GRID2: variants seen among roughly 807,000 people sequenced by gnomAD.
GRID2 encodes the protein glutamate receptor ionotropic, delta-2.
A neutral mutation model predicts 114.8 loss-of-function variants in GRID2; 33 were observed. That is an observed-to-expected ratio of 0.29 (90% CI 0.22 to 0.38). The LOEUF (loss-of-function observed/expected upper bound fraction) is 0.38, where lower values mean the gene tolerates loss of function less well. Among genes scored for constraint, GRID2 ranks in the 10% least tolerant of loss-of-function variants. The pLI, the probability that GRID2 is intolerant of heterozygous loss-of-function variation, is 1.00. For missense variants in GRID2, 1,184 were observed against 1,257.7 expected (o/e 0.94, Z 0.89); for synonymous variants, 505 against 449.9 (o/e 1.12, Z -1.55).
At chr4:93,479,145 ATTCTT>A (rs780990731) in intron 11 of GRID2, among the ~76,000 whole-genome samples, 1 of 152,074 alleles carries the variant, frequency 6.6e-6, no homozygotes, top group Non-Finnish European at 1.5e-5. Context: ...ACTATACTGT[ATTCTT>A]TTAAGTGTCC....
chr4:92,638,733 C>G (rs1010272751), intron 2 of GRID2, among the ~76,000 whole-genome samples: 2 of 150,040 alleles, frequency 1.3e-5, no homozygotes, highest in Non-Finnish European at 3.0e-5. Context: ...AATTTAGAAT[C>G]TATTGAAAGG....
At chr4:93,096,998 A>T (rs1731280760) in intron 3 of GRID2, among the ~76,000 whole-genome samples, 1 of 152,000 alleles carries the variant, frequency 6.6e-6, no homozygotes, top group African/African-American at 2.4e-5. Context: ...AAATATGAAG[A>T]AACACTGAGT....
intron 12 of GRID2, among the ~76,000 whole-genome samples, chr4:93,491,097 G>GA (rs371459253): frequency 2.0e-5 from 3 of 151,166 alleles, no homozygotes; most frequent in Non-Finnish European, 3.0e-5. Context: ...TGAAAAGGAA[G>GA]AAAAAAAAGA....
Position 92,706,577 on chromosome 4 carries a change from G to A in GRID2, c.244+116291G>A, listed in dbSNP as rs73837325. On this transcript the variant is annotated intron_variant, in intron 2 of 15. Coordinates refer to ENST00000282020, the MANE Select transcript of GRID2 (RefSeq NM_001510.4). ...TAGGGGTGTTTTGGTTATATGTGGG[G>A]TAAATTTTGGTTATCACAATGTGGA... Among the ~76,000 whole-genome samples the A allele has an allele frequency of 6.4e-3, 976 of 152,214 alleles. 5 individuals carry two copies. The highest frequency in any genetic ancestry group is 0.021 in the African/African-American group (875 of 41,534).
chr4:93,224,763 G>A lies in GRID2; in HGVS notation c.1113G>A (p.Glu371=). 1 of 1,609,356 alleles carries A rather than the reference G, an allele frequency of 6.2e-7. No homozygotes were observed. The highest frequency in any genetic ancestry group is 8.5e-7 in the Non-Finnish European group (1 of 1,176,832). ...GGCAGGGTGGGCGCTCCATGTTGGAGACCATCAAGAAGGTAACTTCTTAAT... is the reference window on the plus strand; with the variant it reads ...GGCAGGGTGGGCGCTCCATGTTGGAAACCATCAAGAAGGTAACTTCTTAAT... ...KPWQGGRSML[E]TIKKGGVSGL... The change falls in exon 7 of 16, where the codon GAG becomes GAA. Residue 371 remains glutamate, a synonymous_variant. Coordinates refer to ENST00000282020, the MANE Select transcript of GRID2 (RefSeq NM_001510.4).
chr4:92,691,658 C>A (rs2149293373), intron 2 of GRID2, among the ~76,000 whole-genome samples: 1 of 152,334 alleles, frequency 6.6e-6, no homozygotes, highest in Admixed American at 6.5e-5. Context: ...GGCCCAAAAT[C>A]TTACTTTAAT....
chr4:93,143,780 A>G (rs1418319444), intron 4 of GRID2, among the ~76,000 whole-genome samples: 1 of 152,186 alleles, frequency 6.6e-6, no homozygotes, highest in African/African-American at 2.4e-5. Context: ...TTTTCAGAGG[A>G]TTATTCTAAC....
intron 2 of GRID2, among the ~76,000 whole-genome samples, chr4:92,840,890 T>C (rs1742841559): frequency 1.3e-5 from 2 of 152,066 alleles, no homozygotes; most frequent in African/African-American, 4.8e-5. Context: ...TGGTACTCTG[T>C]TTCTCTGTTT....
chr4:93,278,859 T>C (rs1474775247), intron 8 of GRID2, among the ~76,000 whole-genome samples: 2 of 151,878 alleles, frequency 1.3e-5, no homozygotes, highest in Admixed American at 6.6e-5. Flanking sequence ...CCTTTAAAAA[T>C]TAATGTATAA....
At chr4:93,253,910 C>T (rs1374238295) in intron 8 of GRID2, among the ~76,000 whole-genome samples, 1 of 151,992 alleles carries the variant, frequency 6.6e-6, no homozygotes, top group Non-Finnish European at 1.5e-5. Flanking sequence ...TACTTCTTTT[C>T]CCTCTGATTT....
chr4:93,014,492 G>A (rs1722489361), intron 2 of GRID2, among the ~76,000 whole-genome samples: 1 of 151,998 alleles, frequency 6.6e-6, no homozygotes, highest in Non-Finnish European at 1.5e-5. Flanking sequence ...GGTATATGAA[G>A]AATTATTACA....
rs557332381 is a variant in GRID2, at chr4:93,401,699, A to G, written c.1347+5991A>G. Among the ~76,000 whole-genome samples the G allele has an allele frequency of 1.1e-3, 171 of 152,252 alleles. 1 individual carries two copies. Among genetic ancestry groups the G allele is most frequent in the African/African-American group, 3.8e-3 (160 of 41,564 alleles). On this transcript the variant is annotated intron_variant, in intron 9 of 15. Transcript: ENST00000282020. ...ATTAAAACTGTTGCCTCAATCATAG[A>G]AGGATATACACAGAAATAGGAAATA... is the stretch of plus-strand genomic sequence containing the variant.
chr4:92,417,001 C>A (rs1731650533), intron 1 of GRID2, among the ~76,000 whole-genome samples: 1 of 151,942 alleles, frequency 6.6e-6, no homozygotes, highest in African/African-American at 2.4e-5. Context: ...GCAATATAGT[C>A]ATTTTTACAA....
At chr4:93,155,972 T>G (rs1310175408) in intron 4 of GRID2, among the ~76,000 whole-genome samples, 1 of 151,584 alleles carries the variant, frequency 6.6e-6, no homozygotes, top group Non-Finnish European at 1.5e-5. Flanking sequence ...AAGAGTAGAA[T>G]TGGAATATTC....
At chr4:93,608,295 T>TA (rs1740508534) in intron 13 of GRID2, among the ~76,000 whole-genome samples, 1 of 61,258 alleles carries the variant, frequency 1.6e-5, no homozygotes, top group Non-Finnish European at 3.4e-5. Flanking sequence ...TATTTTTTTT[T>TA]CTTTTTTTTT....
intron 1 of GRID2, among the ~76,000 whole-genome samples, chr4:92,572,839 T>C (rs1727698089): frequency 6.6e-6 from 1 of 151,790 alleles, no homozygotes; most frequent in Non-Finnish European, 1.5e-5. Context: ...CCTCATAGAA[T>C]GAGTTAAGGA....
rs142536104 is a variant in GRID2, at chr4:93,099,798, A to C, written c.530-10950A>C. On this transcript the variant is annotated intron_variant, in intron 3 of 15. Coordinates refer to ENST00000282020, the MANE Select transcript of GRID2 (RefSeq NM_001510.4). ...TGCCATGTGTTCTTTTGAAATGAGC[A>C]TTGAAGGACCATCCTCATGAATGCA... Among the ~76,000 whole-genome samples the C allele has an allele frequency of 5.7e-3, 859 of 152,014 alleles. 10 individuals carry two copies. The highest frequency in any genetic ancestry group is 0.019 in the African/African-American group (807 of 41,536).
intron 2 of GRID2, among the ~76,000 whole-genome samples, chr4:92,963,246 T>C (rs1578617374): frequency 6.6e-6 from 1 of 152,140 alleles, no homozygotes; most frequent in African/African-American, 2.4e-5. Flanking sequence ...GCAGTTTGCC[T>C]TATCAATTGC....
chr4:92,533,109 T>C (rs1725428823), intron 1 of GRID2, among the ~76,000 whole-genome samples: 1 of 151,918 alleles, frequency 6.6e-6, no homozygotes, highest in African/African-American at 2.4e-5. Flanking sequence ...ATTCTCCCTT[T>C]CTGTTCAGTC....
Sources: gnomAD v4.1 joint callset for allele counts (sites outside exome capture counted in the v4.1 genomes callset) on GRCh38, gnomAD v4.1.1 for gene constraint, MANE v1.5 for transcripts, NCBI Gene and HGNC (gene_info 2026-07-23, HGNC 2026-07-21) for gene names.